ST7: variants seen among roughly 807,000 people sequenced by gnomAD.
The protein encoded by ST7 is suppression of tumorigenicity 7.
Under a neutral mutation model 78.7 loss-of-function variants are expected in ST7, and 28 were observed. The ratio of observed to expected loss-of-function variants is 0.36; its 90% CI spans 0.26 to 0.49. The LOEUF is 0.49. Among genes scored for constraint, ST7 ranks in the 20% least tolerant of loss-of-function variants. The probability of loss-of-function intolerance (pLI) is 0.99; values close to 1 mark genes in which losing one functional copy is unlikely to be tolerated. For missense variants in ST7, 418 were observed against 696.0 expected, an observed-to-expected ratio of 0.60 and a Z score of 4.49; for synonymous variants, 247 against 249.6, an observed-to-expected ratio of 0.99 and a Z score of 0.10.
At chr7:117,204,356 GTTT>G (rs1480460418) in intron 12 of ST7, among the ~76,000 whole-genome samples, 1 of 152,210 alleles carries the variant, frequency 6.6e-6, no homozygotes, top group Non-Finnish European at 1.5e-5. Context: ...AGCAAGGTGT[GTTT>G]TTACTATTCC....
rs142664884 is a variant in ST7, at chr7:117,214,749, C to G, written c.1406-4335C>G. Among the ~76,000 whole-genome samples the G allele has an allele frequency of 3.2e-3, 486 of 152,012 alleles. 2 individuals are homozygous for G. The highest frequency in any genetic ancestry group is 1.0e-2 in the African/African-American group (413 of 41,466). On this transcript the variant is annotated intron_variant, in intron 13 of 15. Coordinates refer to ENST00000323984, the MANE Select transcript of ST7 (RefSeq NM_001369598.1). ...TCGGTGAATGGCTATCATATGGGTC[C>G]ACCTGAGTTTTTAAAAAGGAATATT...
At chr7:116,998,363 C>G (rs1452473587) in intron 1 of ST7, among the ~76,000 whole-genome samples, 1 of 152,210 alleles carries the variant, frequency 6.6e-6, no homozygotes, top group Non-Finnish European at 1.5e-5. Context: ...AGCCCTGGTT[C>G]CTGCCTGCAC....
At chr7:117,068,714 C>T (rs1563056183) in intron 1 of ST7, among the ~76,000 whole-genome samples, 1 of 152,204 alleles carries the variant, frequency 6.6e-6, no homozygotes, top group Non-Finnish European at 1.5e-5. Flanking sequence ...AGGCTTTTAT[C>T]ACAGGAAGTA....
chr7:117,208,898 T>TGTGG (rs1031842658), intron 12 of ST7, among the ~76,000 whole-genome samples: 2 of 95,492 alleles, frequency 2.1e-5, no homozygotes, highest in African/African-American at 8.2e-5. Flanking sequence ...TGGGTGTATG[T>TGTGG]GTGGGTGTGT....
rs149125791 is a variant in ST7 at position 117,120,572 on chromosome 7, C to T, written c.394+852C>T. Among the ~76,000 whole-genome samples the T allele has an allele frequency of 8.9e-4, 136 of 152,270 alleles. 1 individual carries two copies. The highest frequency in any genetic ancestry group is 3.1e-3 in the African/African-American group (129 of 41,550). On this transcript the variant is annotated intron_variant, in intron 3 of 15. Transcript: ENST00000323984. Reference sequence around the variant, plus strand: ...GCCAGTTTTTATTTCTTGAACATGCCATGTTTCTCATGACGCTCTGCCTAC... The same window carrying T: ...GCCAGTTTTTATTTCTTGAACATGCTATGTTTCTCATGACGCTCTGCCTAC...
intron 2 of ST7, among the ~76,000 whole-genome samples, chr7:117,109,206 G>T (rs543271449): frequency 6.6e-6 from 1 of 152,156 alleles, no homozygotes; most frequent in East Asian, 1.9e-4. Flanking sequence ...ACTTTTCCTC[G>T]TTCAGTATAA....
chr7:117,160,446 A>G (rs1216010198), intron 9 of ST7, among the ~76,000 whole-genome samples: 2 of 151,724 alleles, frequency 1.3e-5, no homozygotes, highest in Admixed American at 6.6e-5. Flanking sequence ...AAGAAACTTC[A>G]CTTTCCCTGG....
intron 1 of ST7, among the ~76,000 whole-genome samples, chr7:116,994,409 A>T (rs1794559153): frequency 6.6e-6 from 1 of 152,232 alleles, no homozygotes; most frequent in South Asian, 2.1e-4. Flanking sequence ...CATCTTTCCA[A>T]AAGCATCAAG....
At chr7:117,143,984 G>A (rs898349983) in intron 9 of ST7, among the ~76,000 whole-genome samples, 8 of 152,118 alleles carry the variant, frequency 5.3e-5, no homozygotes, top group East Asian at 1.9e-4. Flanking sequence ...CCAAACCTTC[G>A]TGTGCGTTTA....
At chr7:117,062,095 T>C (rs1232846544) in intron 1 of ST7, among the ~76,000 whole-genome samples, 1 of 152,104 alleles carries the variant, frequency 6.6e-6, no homozygotes, top group African/African-American at 2.4e-5. Context: ...TTGCAGTGTC[T>C]TCACAGGGTG....
chr7:116,992,720 A>C (rs1174887196), intron 1 of ST7, among the ~76,000 whole-genome samples: 1 of 152,186 alleles, frequency 6.6e-6, no homozygotes, highest in Non-Finnish European at 1.5e-5. Context: ...TTCTCCTCAG[A>C]AAATGGGATT....
intron 9 of ST7, among the ~76,000 whole-genome samples, chr7:117,162,979 G>A (rs759863174): frequency 1.3e-4 from 20 of 152,014 alleles, no homozygotes; most frequent in Admixed American, 6.6e-5. Flanking sequence ...TTAGTTCTAG[G>A]AGCCCAACTT....
intron 1 of ST7, among the ~76,000 whole-genome samples, chr7:116,998,455 G>A (rs749867459): frequency 6.6e-5 from 10 of 152,208 alleles, no homozygotes; most frequent in Admixed American, 2.6e-4. Flanking sequence ...ACGGTGCAGC[G>A]GCGGGCTGAA....
chr7:117,056,141 T>A (rs1798051939), intron 1 of ST7, among the ~76,000 whole-genome samples: 3 of 152,190 alleles, frequency 2.0e-5, no homozygotes, highest in Non-Finnish European at 4.4e-5. Context: ...CTGACTCAAA[T>A]GTTAATCTCC....
intron 10 of ST7, among the ~76,000 whole-genome samples, chr7:117,188,505 G>A (rs1809466084): frequency 6.6e-6 from 1 of 152,080 alleles, no homozygotes; most frequent in African/African-American, 2.4e-5. Context: ...CACCCAAAGG[G>A]GTGCCCTCTT....
intron 1 of ST7, among the ~76,000 whole-genome samples, chr7:117,087,120 GAAAAA>G (rs1800212061): frequency 6.6e-6 from 1 of 152,118 alleles, no homozygotes; most frequent in Non-Finnish European, 1.5e-5. Context: ...ATAATGAAAA[GAAAAA>G]CCTAACTTTG....
intron 9 of ST7, among the ~76,000 whole-genome samples, chr7:117,165,902 C>G (rs567524987): frequency 6.6e-6 from 1 of 152,098 alleles, no homozygotes; most frequent in Non-Finnish European, 1.5e-5. Flanking sequence ...ATGCCAGATG[C>G]GTGGTGCGTG....
At chr7:117,051,398 G>C (rs1291466480) in intron 1 of ST7, among the ~76,000 whole-genome samples, 1 of 152,210 alleles carries the variant, frequency 6.6e-6, no homozygotes, top group African/African-American at 2.4e-5. Context: ...TGAAGGAAGA[G>C]CATTACAGAG....
chr7:117,031,846 C>A (rs199853930), intron 1 of ST7, among the ~76,000 whole-genome samples: 2 of 65,340 alleles, frequency 3.1e-5, no homozygotes, highest in East Asian at 6.3e-4. Flanking sequence ...ATATCTATAT[C>A]TATATCTATA....
Sources: allele counts gnomAD v4.1 joint callset (sites outside exome capture counted in the v4.1 genomes callset), GRCh38; gene constraint gnomAD v4.1.1; transcripts MANE v1.5; gene names NCBI Gene and HGNC (gene_info 2026-07-23, HGNC 2026-07-21).